The following ZNF280D variants were observed in gnomAD, a reference collection of about 807,000 sequenced individuals.
The protein encoded by ZNF280D is suppressor of hairy wing homolog 4.
Under a neutral mutation model 94.7 loss-of-function variants are expected in ZNF280D, and 39 were observed. That is an observed-to-expected ratio of 0.41 (90% CI 0.32 to 0.54). The LOEUF (loss-of-function observed/expected upper bound fraction) is 0.54. Ranked by LOEUF, ZNF280D falls within the 20% of genes least tolerant of loss-of-function variation. ZNF280D has a pLI of 0.22. For synonymous variants in ZNF280D, 398 were observed against 377.6 expected (o/e 1.05, Z -0.63); for missense variants, 1,090 against 1,149.3 (o/e 0.95, Z 0.75).
rs570902140 is a variant in ZNF280D, at chr15:56,692,152, T to A, written c.499+946A>T. On this transcript the variant is annotated intron_variant, in intron 7 of 21. Coordinates refer to ENST00000267807, the MANE Select transcript of ZNF280D (RefSeq NM_017661.4). ...TATGAAACCAGACTTAAGACAACTA[T>A]TTTTTTCTCCCTGTTTCTTTTGGTT... 5.3e-5 allele frequency among the ~76,000 whole-genome samples: 8 copies of A among 152,210 alleles called. 1 individual carries two copies. In the South Asian group the frequency reaches 1.7e-3, roughly 32 times the overall value.
rs1166262931 is a variant in ZNF280D, at chr15:56,673,529, C to T, written c.1410+3141G>A. Among the ~76,000 whole-genome samples the T allele has an allele frequency of 2.6e-5, 4 of 151,998 alleles. No individual in the cohort carries two copies. In the East Asian group the frequency reaches 7.7e-4, roughly 29 times the overall value. ...TACTATAAAAACTTTCTATCTTCTCCCCCTAATATCCTTTCTTCTCTATGG... is the reference window on the plus strand; with the variant it reads ...TACTATAAAAACTTTCTATCTTCTCTCCCTAATATCCTTTCTTCTCTATGG... On this transcript the variant is annotated intron_variant, in intron 13 of 21. Coordinates refer to ENST00000267807, the MANE Select transcript of ZNF280D (RefSeq NM_017661.4).
intron 20 of ZNF280D, chr15:56,635,836 A>AT (rs1417187779): frequency 6.6e-6 from 1 of 152,232 alleles, no homozygotes; most frequent in Non-Finnish European, 1.5e-5. Context: ...AGCTTGTAAC[A>AT]ATTACCAGCT....
chr15:56,729,310 CA>C (rs2058775841), intron 1 of ZNF280D, among the ~76,000 whole-genome samples: 1 of 152,174 alleles, frequency 6.6e-6, no homozygotes, highest in South Asian at 2.1e-4. Context: ...CACACAGCAT[CA>C]AACTCTCCTT....
intron 20 of ZNF280D, among the ~76,000 whole-genome samples, chr15:56,640,045 G>C (rs1478485673): frequency 1.3e-5 from 2 of 151,938 alleles, no homozygotes; most frequent in African/African-American, 4.8e-5. Context: ...AAAAAATACA[G>C]CATTAGGTGC....
chr15:56,666,482 A>G lies in ZNF280D; in HGVS notation c.1907T>C (p.Phe636Ser). 1 of 1,603,456 alleles carries G rather than the reference A, an allele frequency of 6.2e-7. No individual in the cohort carries two copies. Among genetic ancestry groups the G allele is most frequent in the Non-Finnish European group, 8.5e-7 (1 of 1,177,160 alleles). The change falls in exon 16 of 22, where the codon TTT becomes TCT. Residue 636 changes from phenylalanine to serine, a missense_variant. By Grantham distance (155) the Phe-to-Ser change is radical (BLOSUM62 -2). Coordinates refer to ENST00000267807, the MANE Select transcript of ZNF280D (RefSeq NM_017661.4). ...GACGTACGTAGGAAAGTGGTTTGCAAAATCTTTTATTTCGGAACAACACTC... is the reference window on the plus strand; with the variant it reads ...GACGTACGTAGGAAAGTGGTTTGCAGAATCTTTTATTTCGGAACAACACTC... Reference protein sequence around the residue: ...CIECCSEIKDFANHFPTYVHC... With the variant: ...CIECCSEIKDSANHFPTYVHC...
rs527857913 is a variant in ZNF280D, at chr15:56,706,112, G to T, written c.28+970C>A. 6.5e-4 allele frequency among the ~76,000 whole-genome samples: 84 copies of T among 128,674 alleles called. 2 individuals are homozygous for T. Among genetic ancestry groups the T allele is most frequent in the African/African-American group, 2.5e-3 (82 of 33,276 alleles). The allele number at this position is 128,674 out of a possible 152,430, so 84.4% of individuals were successfully genotyped here. On this transcript the variant is annotated intron_variant, in intron 3 of 21. Coordinates refer to ENST00000267807, the MANE Select transcript of ZNF280D (RefSeq NM_017661.4). ...GGGTGGGCCCTAATCTAGTATGACT[G>T]GTGTCCTTAATAGAAGAGGAGATTA...
chr15:56,643,004 A>G lies in ZNF280D; in HGVS notation c.2214-7T>C. 3 of 1,488,480 alleles carry G rather than the reference A, an allele frequency of 2.0e-6. No homozygotes were observed. The highest frequency in any genetic ancestry group is 2.7e-6 in the Non-Finnish European group (3 of 1,118,848). The allele number at this position is 1,488,480 out of a possible 1,614,324, so 92.2% of individuals were successfully genotyped here. A position where few individuals can be genotyped will look rare whatever the true frequency, so the allele number is the denominator to read the frequency against. On this transcript the variant is annotated splice_region_variant and splice_polypyrimidine_tract_variant and intron_variant, in intron 19 of 21. Coordinates refer to ENST00000267807, the MANE Select transcript of ZNF280D (RefSeq NM_017661.4). The stretch of plus-strand genomic sequence containing the variant: ...GGGAGCTTCTTTTTTTAATCTTGAA[A>G]ACAAGATAAGTATTGAATATTTTAT...
At chr15:56,709,626 T>C (rs2057639218) in intron 1 of ZNF280D, among the ~76,000 whole-genome samples, 1 of 152,058 alleles carries the variant, frequency 6.6e-6, no homozygotes, top group Non-Finnish European at 1.5e-5. Context: ...CCATCAACGA[T>C]AGATTGGATT....
At chr15:56,716,668 G>T (rs28449895) in intron 1 of ZNF280D, among the ~76,000 whole-genome samples, 1 of 152,116 alleles carries the variant, frequency 6.6e-6, no homozygotes, top group African/African-American at 2.4e-5. Context: ...ACTGATGTCA[G>T]ATTTGTGACA....
intron 1 of ZNF280D, among the ~76,000 whole-genome samples, chr15:56,716,024 A>G (rs1355186977): frequency 6.6e-6 from 1 of 152,176 alleles, no homozygotes; most frequent in East Asian, 1.9e-4. Context: ...GAGCATGTGT[A>G]TAGGTTATAT....
chr15:56,631,545 T>A lies in ZNF280D; in HGVS notation c.2893A>T (p.Thr965Ser). 6.2e-7 allele frequency: 1 copy of A among 1,614,104 alleles called. No individual in the cohort carries two copies. The highest frequency in any genetic ancestry group is 8.5e-7 in the Non-Finnish European group (1 of 1,179,974). Reference protein sequence around the residue: ...DDIPGGNNPSTTEATVDLEDE... With the variant: ...DDIPGGNNPSSTEATVDLEDE... Reference sequence around the variant, plus strand: ...TCCAGGTCTACTGTTGCCTCTGTTGTGCTAGGGTTATTTCCTCCAGGAATG... The same window carrying A: ...TCCAGGTCTACTGTTGCCTCTGTTGAGCTAGGGTTATTTCCTCCAGGAATG... Residue 965 changes from threonine (T) to serine (S), a missense_variant, in exon 22 of 22, where the codon ACA (threonine) becomes TCA (serine). Coordinates refer to ENST00000267807, the MANE Select transcript of ZNF280D (RefSeq NM_017661.4).
At chr15:56,690,145 G>A (rs2056340909) in intron 7 of ZNF280D, among the ~76,000 whole-genome samples, 2 of 152,196 alleles carry the variant, frequency 1.3e-5, no homozygotes, top group Non-Finnish European at 2.9e-5. Context: ...CACTTTGGGA[G>A]GCTGAGGCAG....
At chr15:56,678,615 T>C in intron 11 of ZNF280D, 49 bp downstream of exon 11, 1 of 1,396,878 alleles carries the variant, frequency 7.2e-7, no homozygotes, top group Non-Finnish European at 9.5e-7. Flanking sequence ...TCACAATTTA[T>C]ATTAGCGAAA....
intron 6 of ZNF280D, among the ~76,000 whole-genome samples, chr15:56,694,460 A>C (rs1003538238): frequency 2.0e-5 from 3 of 152,124 alleles, no homozygotes; most frequent in Non-Finnish European, 4.4e-5. Flanking sequence ...ACAATGATTA[A>C]AAATTAAAGG....
chr15:56,645,755 C>T lies in ZNF280D; in HGVS notation c.2214-2758G>A, dbSNP rs2052854371. On this transcript the variant is annotated intron_variant, in intron 19 of 21. Transcript: ENST00000267807. Reference sequence around the variant, plus strand: ...AGACACGGGGTTTCATCATATTGGTCAGGCTGGTCTCGAACTCCTGACCTC... The same window carrying T: ...AGACACGGGGTTTCATCATATTGGTTAGGCTGGTCTCGAACTCCTGACCTC... Among the ~76,000 whole-genome samples the T allele has an allele frequency of 2.0e-5, 3 of 152,114 alleles. No homozygotes were observed. The South Asian group carries it at 6.2e-4, about 32-fold the overall frequency.
At chr15:56,648,324 A>G (rs901677009) in intron 19 of ZNF280D, among the ~76,000 whole-genome samples, 2 of 152,036 alleles carry the variant, frequency 1.3e-5, no homozygotes, top group Non-Finnish European at 2.9e-5. Flanking sequence ...ATGAAGTTTG[A>G]GCAATAGAAC....
intron 7 of ZNF280D, among the ~76,000 whole-genome samples, chr15:56,691,830 A>T (rs1396086585): frequency 6.6e-6 from 1 of 152,186 alleles, no homozygotes; most frequent in Non-Finnish European, 1.5e-5. Flanking sequence ...AAGTAGAGCA[A>T]GAATTAAAGT....
intron 14 of ZNF280D, chr15:56,668,007 T>C (rs1158867120): frequency 2.8e-6 from 1 of 359,630 alleles, no homozygotes; most frequent in Non-Finnish European, 5.4e-6. Flanking sequence ...ATTAGTGTTC[T>C]GCATGTCTAG....
At chr15:56,674,967 A>ACAAGTTTATAATCCCACTCAG in intron 13 of ZNF280D, among the ~76,000 whole-genome samples, 3 of 152,154 alleles carry the variant, frequency 2.0e-5, no homozygotes, top group Admixed American at 2.0e-4. Flanking sequence ...TATCTCAACT[A>ACAAGTTTATAATCCCACTCAG]CAAGTTTATA....
Sources: allele counts gnomAD v4.1 joint callset (sites outside exome capture counted in the v4.1 genomes callset), GRCh38; gene constraint gnomAD v4.1.1; transcripts MANE v1.5; gene names NCBI Gene and HGNC (gene_info 2026-07-23, HGNC 2026-07-21).